Variants in LDLRAD3 observed in about 807,000 individuals in gnomAD.
LDLRAD3 encodes low-density lipoprotein receptor class A domain-containing protein 3.
A neutral mutation model predicts 29.4 loss-of-function variants in LDLRAD3; 20 were observed. The observed-to-expected ratio is 0.68, with a 90% CI of 0.48 to 0.99. The LOEUF (loss-of-function observed/expected upper bound fraction) is 0.99. Among genes scored for constraint, LDLRAD3 ranks in the 50% least tolerant of loss-of-function variants. The pLI is 0.00. For missense variants in LDLRAD3, 420 were observed against 454.3 expected (o/e 0.92, Z 0.69); for synonymous variants, 157 against 192.7 (o/e 0.81, Z 1.53).
At chr11:36,119,636 C>T (rs145828155) in intron 4 of LDLRAD3, among the ~76,000 whole-genome samples, 3 of 151,910 alleles carry the variant, frequency 2.0e-5, no homozygotes, top group Non-Finnish European at 2.9e-5. Flanking sequence ...TGTATGCTTT[C>T]TTGTGAGAAA....
intron 4 of LDLRAD3, among the ~76,000 whole-genome samples, chr11:36,167,423 G>C (rs2133344051): frequency 6.6e-6 from 1 of 152,242 alleles, no homozygotes; most frequent in African/African-American, 2.4e-5. Context: ...ATCACGATGA[G>C]GTCATACTGG....
At chr11:36,054,234 A>C (rs1234179871) in intron 2 of LDLRAD3, among the ~76,000 whole-genome samples, 4 of 152,060 alleles carry the variant, frequency 2.6e-5, no homozygotes, top group African/African-American at 9.7e-5. Flanking sequence ...TTCTGCCAGG[A>C]TTTTTCTCCC....
rs1184187456 is a variant in LDLRAD3 at position 36,229,548 on chromosome 11, C to T, written c.*151C>T. 1.6e-6 allele frequency: 1 copy of T among 612,804 alleles called. No individual in the cohort carries two copies. Among genetic ancestry groups the T allele is most frequent in the Non-Finnish European group, 2.9e-6 (1 of 345,694 alleles). 38.0% of individuals were successfully genotyped at this position (612,804 alleles called of 1,614,324 possible). A position where few individuals can be genotyped will look rare whatever the true frequency, so the allele number is the denominator to read the frequency against. On this transcript the variant is annotated 3_prime_UTR_variant, in exon 6 of 6. Transcript: ENST00000315571. ...AACTATCTCTGCATTCCCCTCCTCC[C>T]CCAGACTTCAGAGATGTTTTTCTGG... is the stretch of plus-strand genomic sequence containing the variant.
At chr11:36,009,456 T>G (rs528005225) in intron 1 of LDLRAD3, among the ~76,000 whole-genome samples, 1 of 152,322 alleles carries the variant, frequency 6.6e-6, no homozygotes, top group Non-Finnish European at 1.5e-5. Flanking sequence ...TCCTGTATTA[T>G]TTTTCACTTA....
chr11:35,963,464 C>T (rs1047986969), intron 1 of LDLRAD3, among the ~76,000 whole-genome samples: 159 of 148,450 alleles, frequency 1.1e-3, no homozygotes, highest in African/African-American at 3.6e-3. Context: ...TGTTACATTT[C>T]TTCCCTAAAA....
chr11:36,144,128 G>C (rs1854132362), intron 4 of LDLRAD3, among the ~76,000 whole-genome samples: 1 of 152,020 alleles, frequency 6.6e-6, no homozygotes, highest in Admixed American at 6.5e-5. Context: ...ACGGGGTTTC[G>C]CTGTGTTGGC....
At chr11:36,189,187 C>T (rs1019295092) in intron 4 of LDLRAD3, among the ~76,000 whole-genome samples, 9 of 152,042 alleles carry the variant, frequency 5.9e-5, no homozygotes, top group Admixed American at 5.2e-4. Flanking sequence ...TTTATCACCT[C>T]AAAAAGAAAA....
rs1015520272 is a variant in LDLRAD3 at position 35,983,410 on chromosome 11, G to A, written c.46+39266G>A. Among the ~76,000 whole-genome samples the A allele has an allele frequency of 1.6e-4, 24 of 152,154 alleles. No homozygotes were observed. In the East Asian group the frequency reaches 2.7e-3, roughly 17 times the overall value. ...TATTTCTGGTCACTGCTCTCTCCCC[G>A]TATCCATATAACAAACCGCATGGAC... On this transcript the variant is annotated intron_variant, in intron 1 of 5. Transcript: ENST00000315571.
chr11:36,091,974 A>G (rs1244033139), intron 3 of LDLRAD3, among the ~76,000 whole-genome samples: 1 of 152,218 alleles, frequency 6.6e-6, no homozygotes, highest in Non-Finnish European at 1.5e-5. Flanking sequence ...CCAAGTAAAT[A>G]GCTGCAGAGG....
intron 2 of LDLRAD3, among the ~76,000 whole-genome samples, chr11:36,060,720 C>T (rs1044564788): frequency 7.9e-5 from 12 of 152,196 alleles, no homozygotes; most frequent in African/African-American, 2.9e-4. Context: ...TCTCCATCCT[C>T]ACTATTGATC....
chr11:35,953,465 C>T (rs1851162787), intron 1 of LDLRAD3, among the ~76,000 whole-genome samples: 1 of 152,148 alleles, frequency 6.6e-6, no homozygotes, highest in Non-Finnish European at 1.5e-5. Context: ...CATTAAAAAT[C>T]CCTTCTCATT....
At chr11:36,000,895 A>G (rs1851815848) in intron 1 of LDLRAD3, among the ~76,000 whole-genome samples, 1 of 151,984 alleles carries the variant, frequency 6.6e-6, no homozygotes, top group Non-Finnish European at 1.5e-5. Flanking sequence ...CGGGTAGGGG[A>G]TGCTTCAGAG....
At chr11:35,949,483 T>C (rs1325427574) in intron 1 of LDLRAD3, among the ~76,000 whole-genome samples, 1 of 152,194 alleles carries the variant, frequency 6.6e-6, no homozygotes, top group Non-Finnish European at 1.5e-5. Flanking sequence ...TGGGCTCCCC[T>C]TTCCCTCCCC....
At chr11:35,988,104 C>A (rs535590467) in intron 1 of LDLRAD3, among the ~76,000 whole-genome samples, 3 of 152,306 alleles carry the variant, frequency 2.0e-5, no homozygotes, top group Admixed American at 6.5e-5. Flanking sequence ...GTCACCCAGG[C>A]TGGAGTGCAG....
chr11:36,031,168 T>A (rs968577486), intron 1 of LDLRAD3, among the ~76,000 whole-genome samples: 11 of 152,312 alleles, frequency 7.2e-5, no homozygotes, highest in African/African-American at 2.4e-4. Flanking sequence ...TTTTCATTTT[T>A]CAGCTTAATG....
chr11:36,128,117 C>CATATATATATATATATAT (rs57687795), intron 4 of LDLRAD3, among the ~76,000 whole-genome samples: 1,137 of 98,538 alleles, frequency 0.012, 67 homozygotes, highest in Non-Finnish European at 0.018. Flanking sequence ...GTTGTTTTTA[C>CATATATATATATATATAT]ATATATATAT....
chr11:36,191,756 G>A (rs1854957063), intron 4 of LDLRAD3, among the ~76,000 whole-genome samples: 1 of 151,796 alleles, frequency 6.6e-6, no homozygotes, highest in Non-Finnish European at 1.5e-5. Flanking sequence ...TAAACAAATG[G>A]GGAGGGGGAA....
At chr11:36,083,735 T>TACACAC (rs59333454) in intron 3 of LDLRAD3, among the ~76,000 whole-genome samples, 41 of 126,898 alleles carry the variant, frequency 3.2e-4, no homozygotes, top group African/African-American at 9.7e-4. Context: ...AGGGAGAAAT[T>TACACAC]ACACACACAC....
At chr11:36,050,077 G>A (rs1180727194) in intron 2 of LDLRAD3, among the ~76,000 whole-genome samples, 1 of 152,210 alleles carries the variant, frequency 6.6e-6, no homozygotes, top group African/African-American at 2.4e-5. Context: ...AGAGGAGGGA[G>A]AGAGGCCATC....
Sources: gnomAD v4.1 joint callset for allele counts (sites outside exome capture counted in the v4.1 genomes callset) on GRCh38, gnomAD v4.1.1 for gene constraint, MANE v1.5 for transcripts, NCBI Gene and HGNC (gene_info 2026-07-23, HGNC 2026-07-21) for gene names.